ITPR2: variants seen among roughly 807,000 people sequenced by gnomAD.
ITPR2 encodes the protein inositol 1,4,5-trisphosphate receptor type 2, also known as inositol 1,4,5-trisphosphate-gated calcium channel ITPR2.
In ITPR2, 207 loss-of-function variants were observed where a neutral mutation model predicts 317.1. That is an observed-to-expected ratio of 0.65 (90% CI 0.58 to 0.73). ITPR2 has a LOEUF of 0.73. Ranked by LOEUF, ITPR2 falls within the 30% of genes least tolerant of loss-of-function variation. The pLI is 0.00. For missense variants in ITPR2, 2,613 were observed against 3,284.0 expected, an observed-to-expected ratio of 0.80 and a Z score of 4.99; for synonymous variants, 1,156 against 1,149.1, an observed-to-expected ratio of 1.01 and a Z score of -0.12.
intron 52 of ITPR2, among the ~76,000 whole-genome samples, chr12:26,403,300 A>G (rs571759577): frequency 6.6e-6 from 1 of 152,226 alleles, no homozygotes; most frequent in East Asian, 1.9e-4. Context: ...GTACCAGGTC[A>G]TAAGGAGACT....
intron 37 of ITPR2, among the ~76,000 whole-genome samples, chr12:26,539,354 T>C (rs895851846): frequency 6.6e-6 from 1 of 152,232 alleles, no homozygotes; most frequent in African/African-American, 2.4e-5. Context: ...TTCATGTGAC[T>C]GGACCTTGGC....
chr12:26,550,830 T>C (rs1944507579), intron 36 of ITPR2, among the ~76,000 whole-genome samples: 1 of 152,142 alleles, frequency 6.6e-6, no homozygotes. Context: ...TTCATAATAA[T>C]ATGATATTTT....
intron 10 of ITPR2, among the ~76,000 whole-genome samples, chr12:26,689,912 G>A (rs541452675): frequency 1.9e-4 from 29 of 152,276 alleles, no homozygotes; most frequent in South Asian, 1.0e-3. Context: ...GATATCCCCA[G>A]TAACATGAAA....
chr12:26,442,809 T>C (rs1324497181), intron 46 of ITPR2, among the ~76,000 whole-genome samples: 2 of 152,148 alleles, frequency 1.3e-5, no homozygotes, highest in Non-Finnish European at 2.9e-5. Flanking sequence ...TCATGCACTC[T>C]GCTGAAAAGT....
intron 45 of ITPR2, among the ~76,000 whole-genome samples, chr12:26,474,599 C>A (rs1366228122): frequency 6.6e-6 from 1 of 151,676 alleles, no homozygotes; most frequent in Non-Finnish European, 1.5e-5. Context: ...CGAGACCATC[C>A]CGGCTAAAGC....
chr12:26,566,223 A>G, intron 34 of ITPR2, among the ~76,000 whole-genome samples: 3 of 105,444 alleles, frequency 2.8e-5, no homozygotes, highest in Admixed American at 9.5e-5. Flanking sequence ...AGGAGAGGAG[A>G]AGAAGGAGGA....
intron 21 of ITPR2, among the ~76,000 whole-genome samples, chr12:26,639,684 T>C (rs1307774336): frequency 7.0e-6 from 1 of 143,008 alleles, no homozygotes; most frequent in Non-Finnish European, 1.5e-5. Flanking sequence ...TGTGTTCTCA[T>C]TGTTCAATTC....
chr12:26,397,700 C>T (rs574382296), intron 54 of ITPR2, among the ~76,000 whole-genome samples: 7 of 152,146 alleles, frequency 4.6e-5, no homozygotes, highest in South Asian at 4.1e-4. Flanking sequence ...TTGAGGTGAA[C>T]GAAACACTCA....
At chr12:26,657,198 C>T (rs1453135120) in intron 18 of ITPR2, among the ~76,000 whole-genome samples, 2 of 152,184 alleles carry the variant, frequency 1.3e-5, no homozygotes, top group Admixed American at 6.5e-5. Flanking sequence ...AATATATTGA[C>T]CACCAGGAAC....
chr12:26,437,813 T>C (rs571190179), intron 47 of ITPR2, among the ~76,000 whole-genome samples: 2 of 152,308 alleles, frequency 1.3e-5, no homozygotes, highest in African/African-American at 4.8e-5. Flanking sequence ...TGTTTGTTTG[T>C]TTTATTGAGA....
chr12:26,683,470 G>A (rs1948073777), intron 11 of ITPR2, among the ~76,000 whole-genome samples: 1 of 152,194 alleles, frequency 6.6e-6, no homozygotes, highest in South Asian at 2.1e-4. Context: ...AGGTTGTGAT[G>A]TGCCTTACAA....
rs370197617 is a variant in ITPR2 at position 26,574,939 on chromosome 12, C to T, written c.4630+3774G>A. Among the ~76,000 whole-genome samples, 48 of 151,968 alleles carry T rather than the reference C, an allele frequency of 3.2e-4. No individual in the cohort carries two copies. The South Asian group carries it at 3.8e-3, about 12-fold the overall frequency. ...CTGTCCCCACGATCCAGCCACCTCC[C>T]ACCAGACCCCACCTCCAACGTCGGA... is the stretch of plus-strand genomic sequence containing the variant. On this transcript the variant is annotated intron_variant, in intron 34 of 56. Coordinates refer to ENST00000381340, the MANE Select transcript of ITPR2 (RefSeq NM_002223.4).
At chr12:26,767,540 C>T (rs569486139) in intron 2 of ITPR2, among the ~76,000 whole-genome samples, 1 of 152,134 alleles carries the variant, frequency 6.6e-6, no homozygotes, top group Non-Finnish European at 1.5e-5. Flanking sequence ...AATATCACAC[C>T]TCTTTTCATG....
intron 2 of ITPR2, among the ~76,000 whole-genome samples, chr12:26,772,651 T>C (rs781099562): frequency 3.3e-5 from 5 of 149,998 alleles, no homozygotes; most frequent in Non-Finnish European, 4.4e-5. Context: ...CTGTAGCAAC[T>C]ACTTCATACA....
At chr12:26,396,230 A>G (rs1276383244) in intron 54 of ITPR2, among the ~76,000 whole-genome samples, 1 of 152,192 alleles carries the variant, frequency 6.6e-6, no homozygotes, top group Non-Finnish European at 1.5e-5. Flanking sequence ...TTATTTTTCT[A>G]TAAAGGTAGG....
chr12:26,435,594 C>A (rs1349446850), intron 48 of ITPR2, among the ~76,000 whole-genome samples: 1 of 152,182 alleles, frequency 6.6e-6, no homozygotes, highest in Non-Finnish European at 1.5e-5. Flanking sequence ...CAGTATATTT[C>A]TCCTATATTT....
chr12:26,378,126 T>G (rs1479916457), intron 55 of ITPR2, among the ~76,000 whole-genome samples: 1 of 152,082 alleles, frequency 6.6e-6, no homozygotes, highest in East Asian at 1.9e-4. Flanking sequence ...GAAGTGTAAA[T>G]GCCTTAATGG....
chr12:26,473,813 G>A (rs907359549), intron 45 of ITPR2, among the ~76,000 whole-genome samples: 3 of 151,920 alleles, frequency 2.0e-5, no homozygotes, highest in Admixed American at 6.6e-5. Flanking sequence ...TCTCTAAAAC[G>A]ACACCTTTTC....
At chr12:26,480,454 T>A (rs571335226) in intron 43 of ITPR2, among the ~76,000 whole-genome samples, 3 of 152,344 alleles carry the variant, frequency 2.0e-5, no homozygotes, top group African/African-American at 7.2e-5. Context: ...TGACTTTGTC[T>A]AATTCCTTGT....
Sources: allele counts gnomAD v4.1 joint callset (sites outside exome capture counted in the v4.1 genomes callset), GRCh38; gene constraint gnomAD v4.1.1; transcripts MANE v1.5; gene names NCBI Gene and HGNC (gene_info 2026-07-23, HGNC 2026-07-21).